Variants in RGS6 observed in about 807,000 individuals in gnomAD.
The protein encoded by RGS6 is regulator of G-protein signaling 6.
Under a neutral mutation model 78.5 loss-of-function variants are expected in RGS6, and 30 were observed. The ratio of observed to expected loss-of-function variants is 0.38; its 90% confidence interval spans 0.29 to 0.52. The LOEUF is 0.52. Ranked by LOEUF, RGS6 falls within the 20% of genes least tolerant of loss-of-function variation. RGS6 has a pLI of 0.85. For synonymous variants in RGS6, 206 were observed against 206.0 expected, an observed-to-expected ratio of 1.00 and a Z score of 0.00; for missense variants, 495 against 609.7, an observed-to-expected ratio of 0.81 and a Z score of 1.98.
the RGS6 span, among the ~76,000 whole-genome samples, chr14:72,598,176 C>G: frequency 6.6e-6 from 1 of 152,236 alleles, no homozygotes; most frequent in East Asian, 1.9e-4. Context: ...TGAACCATGA[C>G]AGGCCAGGGC....
chr14:71,931,096 C>T (rs1287133036), upstream of RGS6, among the ~76,000 whole-genome samples: 4 of 148,908 alleles, frequency 2.7e-5, no homozygotes, highest in South Asian at 4.3e-4. Flanking sequence ...CTGTGACAAA[C>T]GGCCACAGCC....
At chr14:72,184,369 AACACACACACACACAC>A (rs10638767) in intron 2 of RGS6, among the ~76,000 whole-genome samples, 55 of 141,372 alleles carry the variant, frequency 3.9e-4, no homozygotes, top group East Asian at 1.5e-3. Context: ...TTTACTTTCA[AACACACACACACACAC>A]ACACACACAC....
In RGS6 at chr14:72,273,413, GA is replaced by G. The variant is rs543902978; in HGVS notation, c.85-78679del. ...TTCCCTCTTTAATCACAGCTGTGTG[GA>G]AAGTTTCCAGCTAGGCATTAAATTG... On this transcript the variant is annotated intron_variant, in intron 2 of 17. Coordinates refer to ENST00000553525, the MANE Select transcript of RGS6 (RefSeq NM_001204424.2). Among the ~76,000 whole-genome samples, 626 of 152,054 alleles carry G rather than the reference GA, an allele frequency of 4.1e-3. 6 individuals are homozygous for G. Among genetic ancestry groups the G allele is most frequent in the African/African-American group, 0.015 (606 of 41,476 alleles).
At chr14:72,539,586 C>G (rs780530449) in intron 16 of RGS6, among the ~76,000 whole-genome samples, 1 of 152,210 alleles carries the variant, frequency 6.6e-6, no homozygotes, top group Non-Finnish European at 1.5e-5. Flanking sequence ...CCTCCCACAC[C>G]CTGCTGGCTC....
At chr14:72,410,277 G>A (rs1337580137) in intron 3 of RGS6, among the ~76,000 whole-genome samples, 1 of 152,160 alleles carries the variant, frequency 6.6e-6, no homozygotes, top group Non-Finnish European at 1.5e-5. Context: ...GGGATGGATG[G>A]TATCTCATTG....
chr14:72,475,901 TGTTC>T (rs1382271494), intron 10 of RGS6, among the ~76,000 whole-genome samples: 2 of 151,686 alleles, frequency 1.3e-5, no homozygotes, highest in Admixed American at 6.6e-5. Flanking sequence ...TTACATATTT[TGTTC>T]GTCACTGACT....
At chr14:72,203,687 TGAGA>T (rs1245799114) in intron 2 of RGS6, among the ~76,000 whole-genome samples, 5 of 152,154 alleles carry the variant, frequency 3.3e-5, no homozygotes, top group Admixed American at 6.6e-5. Flanking sequence ...GAGGGGAATC[TGAGA>T]GAAAGATCCA....
At chr14:72,594,536 T>A in the RGS6 span, among the ~76,000 whole-genome samples, 1 of 152,164 alleles carries the variant, frequency 6.6e-6, no homozygotes. Context: ...TGCACCCCTA[T>A]CATTAGGCTA....
In RGS6 at chr14:71,950,493, A is replaced by T. The variant is rs377706079; in HGVS notation, c.-20-14279A>T. 1.4e-4 allele frequency among the ~76,000 whole-genome samples: 22 copies of T among 152,352 alleles called. No individual in the cohort carries two copies. In the South Asian group the frequency reaches 4.6e-3, roughly 32 times the overall value. Reference sequence around the variant, plus strand: ...CCTAGAAGAAAATCTAGGCAATACCATTCAGGACATAGGCACAGGCAAAGA... The same window carrying T: ...CCTAGAAGAAAATCTAGGCAATACCTTTCAGGACATAGGCACAGGCAAAGA... On this transcript the variant is annotated intron_variant, in intron 1 of 17. Transcript: ENST00000553525.
intron 2 of RGS6, among the ~76,000 whole-genome samples, chr14:72,278,243 G>T (rs962802900): frequency 5.3e-5 from 8 of 152,182 alleles, no homozygotes; most frequent in African/African-American, 1.9e-4. Context: ...CAAAACAGTT[G>T]TGTCCAAATG....
chr14:72,455,208 T>C (rs867065747), intron 4 of RGS6, among the ~76,000 whole-genome samples: 52 of 152,222 alleles, frequency 3.4e-4, no homozygotes, highest in Middle Eastern at 3.2e-3. Context: ...TATTCCCATG[T>C]GCTGTCAGTT....
In RGS6 at chr14:72,141,806, T is replaced by C. The variant is rs535054955; in HGVS notation, c.84+176931T>C. 3.9e-5 allele frequency among the ~76,000 whole-genome samples: 6 copies of C among 152,206 alleles called. No individual in the cohort carries two copies. The South Asian group carries it at 8.3e-4, about 21-fold the overall frequency. On this transcript the variant is annotated intron_variant, in intron 2 of 17. Coordinates refer to ENST00000553525, the MANE Select transcript of RGS6 (RefSeq NM_001204424.2). The stretch of plus-strand genomic sequence containing the variant: ...TTCCCTCTTAGGACCATAAGATTCA[T>C]GTTAAACTTAGTGCCAGAAATAACC...
At chr14:72,250,122 G>A (rs534329290) in intron 2 of RGS6, among the ~76,000 whole-genome samples, 1 of 150,170 alleles carries the variant, frequency 6.7e-6, no homozygotes, top group East Asian at 2.0e-4. Context: ...GATAGCACTG[G>A]GAGATATACC....
At position 72,495,167 on chromosome 14, in the gene RGS6, G is replaced by A. The variant is rs746670932; in HGVS notation, c.870G>A (p.Thr290=). The change falls in exon 13 of 18, where the codon ACG becomes ACA. Residue 290 remains threonine (T), a synonymous_variant. Coordinates refer to ENST00000553525, the MANE Select transcript of RGS6 (RefSeq NM_001204424.2). ...CCTCCTGCAGTTTAATTGCCTACACGGAACAATATGTGGAATATGACCCTT... is the reference window on the plus strand; with the variant it reads ...CCTCCTGCAGTTTAATTGCCTACACAGAACAATATGTGGAATATGACCCTT... The part of the protein sequence containing the change: ...SKVAESLIAY[T]EQYVEYDPLI... 9.9e-6 allele frequency: 16 copies of A among 1,611,586 alleles called. No individual in the cohort carries two copies. Among genetic ancestry groups the A allele is most frequent in the South Asian group, 2.2e-5 (2 of 91,024 alleles).
rs376668420 is a variant in RGS6 at position 72,306,671 on chromosome 14, C to A, written c.85-45424C>A. On this transcript the variant is annotated intron_variant, in intron 2 of 17. Coordinates refer to ENST00000553525, the MANE Select transcript of RGS6 (RefSeq NM_001204424.2). ...GTCACTGCAAATGAGGTGGAAATAG[C>A]AAAAGAACTAGAATTAGAAGCAGAG... Among the ~76,000 whole-genome samples, 35 of 152,270 alleles carry A rather than the reference C, an allele frequency of 2.3e-4. 1 individual carries two copies. In the East Asian group the frequency reaches 6.8e-3, roughly 29 times the overall value.
intron 15 of RGS6, among the ~76,000 whole-genome samples, chr14:72,523,480 CT>C (rs2153472347): frequency 6.6e-6 from 1 of 152,236 alleles, no homozygotes; most frequent in South Asian, 2.1e-4. Context: ...GCTCAGTAGC[CT>C]GAGAGAAAGT....
chr14:72,611,275 GA>G, the RGS6 span, among the ~76,000 whole-genome samples: 1 of 152,242 alleles, frequency 6.6e-6, no homozygotes, highest in South Asian at 2.1e-4. Flanking sequence ...TGGAGAAAAG[GA>G]AAGATGAAAC....
intron 2 of RGS6, among the ~76,000 whole-genome samples, chr14:72,110,534 G>A (rs549833115): frequency 5.3e-5 from 8 of 152,240 alleles, no homozygotes; most frequent in South Asian, 2.1e-4. Context: ...GGGAGGCAGC[G>A]ACATCTCTCT....
intron 2 of RGS6, among the ~76,000 whole-genome samples, chr14:72,253,588 G>A (rs1196901301): frequency 6.6e-6 from 1 of 152,202 alleles, no homozygotes; most frequent in East Asian, 1.9e-4. Context: ...TCTTTGGCTT[G>A]TGGGCTGTAG....
Sources: allele counts gnomAD v4.1 joint callset (sites outside exome capture counted in the v4.1 genomes callset), GRCh38; gene constraint gnomAD v4.1.1; transcripts MANE v1.5; gene names NCBI Gene and HGNC (gene_info 2026-07-23, HGNC 2026-07-21).